Variants in EFR3A observed in about 807,000 individuals in gnomAD.
EFR3A encodes protein EFR3 homolog A.
EFR3A carries 76 observed loss-of-function variants against 104.4 expected under a neutral mutation model. The ratio of observed to expected loss-of-function variants is 0.73; its 90% CI spans 0.60 to 0.88. The LOEUF (loss-of-function observed/expected upper bound fraction) is 0.88. Ranked by LOEUF, EFR3A falls within the 40% of genes least tolerant of loss-of-function variation. The probability of loss-of-function intolerance (pLI) is 0.00; values close to 1 mark genes in which losing one functional copy is unlikely to be tolerated. For synonymous variants in EFR3A, 330 were observed against 330.0 expected (o/e 1.00, Z 0.00); for missense variants, 985 against 1,012.5 (o/e 0.97, Z 0.37).
chr8:132,009,388 T>C (rs1196460894), intron 22 of EFR3A, among the ~76,000 whole-genome samples: 1 of 152,104 alleles, frequency 6.6e-6, no homozygotes, highest in African/African-American at 2.4e-5. Flanking sequence ...GAACAAATGA[T>C]GCTAAGGTCA....
chr8:131,947,280 C>T lies in EFR3A; in HGVS notation c.366+647C>T, dbSNP rs183789506. ...ATTTCCCTAATGATTAATGGTAAAA[C>T]TCTGCACGTGCTCGTTGACTATTGG... On this transcript the variant is annotated intron_variant, in intron 4 of 22. Transcript: ENST00000254624. Among the ~76,000 whole-genome samples, 1,050 of 152,008 alleles carry T rather than the reference C, an allele frequency of 6.9e-3. 5 individuals are homozygous for T. The highest frequency in any genetic ancestry group is 0.017 in the Middle Eastern group (5 of 294).
intron 1 of EFR3A, among the ~76,000 whole-genome samples, chr8:131,929,799 C>CGAT (rs1817495066): frequency 6.6e-6 from 1 of 152,106 alleles, no homozygotes; most frequent in South Asian, 2.1e-4. Flanking sequence ...GTGTCCCTCT[C>CGAT]TGAGTTGAGA....
intron 22 of EFR3A, among the ~76,000 whole-genome samples, chr8:132,003,556 A>T (rs1452822387): frequency 6.6e-6 from 1 of 151,672 alleles, no homozygotes; most frequent in Non-Finnish European, 1.5e-5. Context: ...TCTTAAGTAC[A>T]TCTGGGTAAT....
At chr8:131,946,827 C>G (rs1261280291) in intron 4 of EFR3A, among the ~76,000 whole-genome samples, 194 bp downstream of exon 4, 2 of 152,040 alleles carry the variant, frequency 1.3e-5, no homozygotes, top group African/African-American at 2.4e-5. Flanking sequence ...GTGGTATTAA[C>G]TAATCATAAT....
At chr8:131,954,348 T>G (rs576797295) in intron 6 of EFR3A, among the ~76,000 whole-genome samples, 5 of 151,966 alleles carry the variant, frequency 3.3e-5, no homozygotes, top group Non-Finnish European at 7.4e-5. Context: ...CACAGGGAGT[T>G]AGAACTAACC....
intron 1 of EFR3A, among the ~76,000 whole-genome samples, chr8:131,919,098 TA>T (rs1816875528): frequency 6.7e-6 from 1 of 149,146 alleles, no homozygotes; most frequent in Admixed American, 6.7e-5. Context: ...TTTTTTTTTT[TA>T]AAGCTTAGCT....
At chr8:131,994,260 A>G (rs541126100) in intron 18 of EFR3A, among the ~76,000 whole-genome samples, 185 of 151,960 alleles carry the variant, frequency 1.2e-3, no homozygotes, top group African/African-American at 4.0e-3. Context: ...AAAAAAAAAA[A>G]AGAGAGAGAA....
rs796841097 is a variant in EFR3A, at chr8:131,967,172, C to G, written c.856-1123C>G. ...GTGTGTCTTCCTGCCTAACATTCAT[C>G]TATTTTAACATAACTTTAAATGAAA... On this transcript the variant is annotated intron_variant, in intron 8 of 22. Coordinates refer to ENST00000254624, the MANE Select transcript of EFR3A (RefSeq NM_015137.6). Among the ~76,000 whole-genome samples the G allele has an allele frequency of 3.3e-5, 5 of 152,246 alleles. 1 individual carries two copies. Among genetic ancestry groups the G allele is most frequent in the African/African-American group, 1.2e-4 (5 of 41,564 alleles).
chr8:131,922,800 A>G (rs1264936507), intron 1 of EFR3A, among the ~76,000 whole-genome samples: 1 of 152,036 alleles, frequency 6.6e-6, no homozygotes. Context: ...CTGTTTCAGC[A>G]GTTTGTTGGA....
At position 132,001,765 on chromosome 8, in the gene EFR3A, A is replaced by G. The variant is rs1821791535; in HGVS notation, c.2164A>G (p.Asn722Asp). The change falls in exon 20 of 23, where the codon AAC becomes GAC. Residue 722 changes from asparagine (N) to aspartate (D), a missense_variant. By Grantham distance (23) the Asn-to-Asp change is conservative. Coordinates refer to ENST00000254624, the MANE Select transcript of EFR3A (RefSeq NM_015137.6). ...NNVPSDDVVSNTEEITFEALK... is the reference protein window; with the variant it reads ...NNVPSDDVVSDTEEITFEALK... The stretch of plus-strand genomic sequence containing the variant: ...ACTTATCACTTTTCTCTAGGTTAGT[A>G]ACACTGAAGAAATCACTTTTGAAGC... The G allele has an allele frequency of 1.2e-6, 2 of 1,613,294 alleles. No homozygotes were observed. The highest frequency in any genetic ancestry group is 4.5e-5 in the East Asian group (2 of 44,798).
chr8:131,923,437 T>G (rs565329513), intron 1 of EFR3A, among the ~76,000 whole-genome samples: 1 of 151,980 alleles, frequency 6.6e-6, no homozygotes, highest in African/African-American at 2.4e-5. Context: ...TTCTTTCTAA[T>G]GTGTTCATTT....
At chr8:131,969,856 GGC>G (rs1819954510) in intron 9 of EFR3A, among the ~76,000 whole-genome samples, 1 of 152,086 alleles carries the variant, frequency 6.6e-6, no homozygotes, top group Non-Finnish European at 1.5e-5. Flanking sequence ...ATTTAAACAC[GGC>G]TGCCTTTCCT....
intron 1 of EFR3A, among the ~76,000 whole-genome samples, chr8:131,925,981 A>G (rs1389699281): frequency 1.3e-5 from 2 of 152,118 alleles, no homozygotes; most frequent in African/African-American, 4.8e-5. Flanking sequence ...GAGTTTTAAA[A>G]TAAATGCAAC....
chr8:131,937,257 G>A (rs574852915), intron 1 of EFR3A, among the ~76,000 whole-genome samples: 4 of 152,212 alleles, frequency 2.6e-5, no homozygotes, highest in African/African-American at 9.6e-5. Context: ...AGCTTATTAA[G>A]TGTGTTTAGG....
In EFR3A at chr8:131,987,598, A is replaced by C. The variant is rs377726346; in HGVS notation, c.1961A>C (p.His654Pro). The change falls in exon 18 of 23, where the codon CAT (histidine) becomes CCT (proline). Residue 654 changes from histidine to proline, a missense_variant. By Grantham distance (77) the His-to-Pro change is moderately conservative. Coordinates refer to ENST00000254624, the MANE Select transcript of EFR3A (RefSeq NM_015137.6). ...AGGCTTCCAAAATCTTTAGAGAAGC[A>C]TGAAAAAGATTTGTACTTTCTGACC... ...KCMLPKSLEKHEKDLYFLTNK... is the reference protein window; with the variant it reads ...KCMLPKSLEKPEKDLYFLTNK... The C allele has an allele frequency of 1.9e-6, 3 of 1,597,170 alleles. No individual in the cohort carries two copies. The African/African-American group carries it at 4.0e-5, about 21-fold the overall frequency.
intron 10 of EFR3A, among the ~76,000 whole-genome samples, chr8:131,973,522 A>T (rs1225554978): frequency 6.6e-6 from 1 of 152,216 alleles, no homozygotes; most frequent in Non-Finnish European, 1.5e-5. Flanking sequence ...GTAAGAATTT[A>T]AAAATGAGAG....
At chr8:131,939,298 C>G (rs1424559683) in intron 1 of EFR3A, among the ~76,000 whole-genome samples, 3 of 152,050 alleles carry the variant, frequency 2.0e-5, no homozygotes, top group African/African-American at 4.8e-5. Context: ...GAGACTGATT[C>G]ACTTCAGATC....
At chr8:131,907,052 G>T (rs894597615) in intron 1 of EFR3A, among the ~76,000 whole-genome samples, 3 of 152,080 alleles carry the variant, frequency 2.0e-5, no homozygotes, top group African/African-American at 7.2e-5. Context: ...CACAGAACTG[G>T]CCCCTATAAT....
chr8:131,955,680 T>G (rs1259764132), intron 6 of EFR3A, 88 bp from the exon 7 acceptor site: 3 of 1,418,600 alleles, frequency 2.1e-6, no homozygotes, highest in Non-Finnish European at 2.8e-6. Context: ...AATGCCATTT[T>G]AACATTTCTA....
Sources: allele counts gnomAD v4.1 joint callset (sites outside exome capture counted in the v4.1 genomes callset), GRCh38; gene constraint gnomAD v4.1.1; transcripts MANE v1.5; gene names NCBI Gene and HGNC (gene_info 2026-07-23, HGNC 2026-07-21).